Variants in C1QTNF3 observed in about 807,000 individuals in gnomAD.
C1QTNF3 encodes C1q and TNF related 3.
In C1QTNF3, 26 loss-of-function variants were observed where a neutral mutation model predicts 32.6. That is an observed-to-expected ratio of 0.80 (90% confidence interval 0.58 to 1.11). The LOEUF (loss-of-function observed/expected upper bound fraction) is 1.11, where lower values mean the gene tolerates loss of function less well. C1QTNF3 is among the 50% of genes least tolerant of loss of function. The pLI is 0.00. For synonymous variants in C1QTNF3, 155 were observed against 146.0 expected (o/e 1.06, Z -0.44); for missense variants, 362 against 398.2 (o/e 0.91, Z 0.77).
the C1QTNF3 span, among the ~76,000 whole-genome samples, chr5:34,051,186 A>G: frequency 6.6e-6 from 1 of 152,242 alleles, no homozygotes; most frequent in South Asian, 2.1e-4. Context: ...ACCCTAGGAT[A>G]GCAGAGCAGA....
At chr5:34,057,506 G>C in the C1QTNF3 span, among the ~76,000 whole-genome samples, 2 of 152,198 alleles carry the variant, frequency 1.3e-5, no homozygotes, top group African/African-American at 2.4e-5. Context: ...TGAGGATCAA[G>C]TGTCTGGCTA....
the C1QTNF3 span, among the ~76,000 whole-genome samples, chr5:34,208,679 G>A: frequency 6.6e-6 from 1 of 151,862 alleles, no homozygotes; most frequent in Non-Finnish European, 1.5e-5. Flanking sequence ...TATATACAGT[G>A]TAACATACAC....
At chr5:34,216,033 G>C in the C1QTNF3 span, among the ~76,000 whole-genome samples, 1 of 152,138 alleles carries the variant, frequency 6.6e-6, no homozygotes, top group Non-Finnish European at 1.5e-5. Flanking sequence ...ATTCCCTCTT[G>C]TTCCGTCTTT....
At chr5:34,045,376 TG>T (rs1179682353), upstream of C1QTNF3, among the ~76,000 whole-genome samples, 1 of 152,216 alleles carries the variant, frequency 6.6e-6, no homozygotes, top group Non-Finnish European at 1.5e-5. Flanking sequence ...GAATCTGTAC[TG>T]GGGCCTGGGC....
At chr5:34,058,682 T>C in the C1QTNF3 span, among the ~76,000 whole-genome samples, 1 of 152,126 alleles carries the variant, frequency 6.6e-6, no homozygotes, top group Non-Finnish European at 1.5e-5. Context: ...CCCCTTTCTC[T>C]AGGAGTGGGT....
the C1QTNF3 span, among the ~76,000 whole-genome samples, chr5:34,175,113 A>G: frequency 5.8e-4 from 86 of 147,064 alleles, no homozygotes; most frequent in Non-Finnish European, 6.7e-4. Flanking sequence ...GTGTAATCAC[A>G]GCTTACTGCA....
chr5:34,088,516 T>C, the C1QTNF3 span, among the ~76,000 whole-genome samples: 1 of 152,144 alleles, frequency 6.6e-6, no homozygotes, highest in African/African-American at 2.4e-5. Flanking sequence ...TGAAATTGTG[T>C]GAGTAAAATA....
At chr5:34,175,103 G>C in the C1QTNF3 span, among the ~76,000 whole-genome samples, 1 of 148,850 alleles carries the variant, frequency 6.7e-6, no homozygotes, top group East Asian at 2.0e-4. Flanking sequence ...AAGTGCAGTG[G>C]TGTAATCACA....
chr5:34,123,577 T>C, the C1QTNF3 span, among the ~76,000 whole-genome samples: 2 of 151,574 alleles, frequency 1.3e-5, no homozygotes, highest in Admixed American at 6.6e-5. Context: ...ATGTTGTCAA[T>C]GATTATGTTG....
At chr5:34,111,878 T>G in the C1QTNF3 span, among the ~76,000 whole-genome samples, 2 of 152,174 alleles carry the variant, frequency 1.3e-5, no homozygotes, top group South Asian at 2.1e-4. Flanking sequence ...CTGTCCTGCA[T>G]TTCACATTTA....
chr5:34,037,917 C>T (rs1754780290), intron 1 of C1QTNF3, among the ~76,000 whole-genome samples: 1 of 152,122 alleles, frequency 6.6e-6, no homozygotes, highest in Admixed American at 6.5e-5. Context: ...TTTTAAACCT[C>T]AGAAAATCCA....
rs1754299578 is a variant in C1QTNF3, at chr5:34,020,573, A to G, written c.*10T>C. On this transcript the variant is annotated 3_prime_UTR_variant, in exon 6 of 6. Transcript: ENST00000382065. Reference sequence around the variant, plus strand: ...GTCTTCCCCAAAGTGGAGCTATTCTAGTCATATATTTACTTAGTTTCAAAG... The same window carrying G: ...GTCTTCCCCAAAGTGGAGCTATTCTGGTCATATATTTACTTAGTTTCAAAG... 1 of 1,613,380 alleles carries G rather than the reference A, an allele frequency of 6.2e-7. No homozygotes were observed. The highest frequency in any genetic ancestry group is 1.3e-5 in the African/African-American group (1 of 74,930).
the C1QTNF3 span, among the ~76,000 whole-genome samples, chr5:34,118,607 T>C: frequency 4.0e-5 from 6 of 151,846 alleles, no homozygotes; most frequent in Non-Finnish European, 7.4e-5. Flanking sequence ...AACATAATAT[T>C]CCATTGCCTT....
At chr5:34,138,620 T>C in the C1QTNF3 span, among the ~76,000 whole-genome samples, 3 of 152,132 alleles carry the variant, frequency 2.0e-5, no homozygotes, top group African/African-American at 7.2e-5. Flanking sequence ...ACTTTTCCTG[T>C]CATGAATTTT....
At chr5:34,024,063 C>T in intron 4 of C1QTNF3, 55 bp from the exon 5 acceptor site, 1 of 1,278,460 alleles carries the variant, frequency 7.8e-7, no homozygotes, top group South Asian at 1.2e-5. Flanking sequence ...ACATTGAGGA[C>T]CTGGAGATAC....
At chr5:34,061,799 T>C in the C1QTNF3 span, among the ~76,000 whole-genome samples, 3 of 152,236 alleles carry the variant, frequency 2.0e-5, no homozygotes, top group South Asian at 2.1e-4. Flanking sequence ...GAGCCTGTGA[T>C]GGGAGGGACT....
intron 1 of C1QTNF3, among the ~76,000 whole-genome samples, chr5:34,040,906 G>T (rs1306850183): frequency 6.6e-6 from 1 of 151,664 alleles, no homozygotes; most frequent in Non-Finnish European, 1.5e-5. Context: ...TGACACTTTT[G>T]CCCAATTGCC....
the C1QTNF3 span, chr5:34,175,982 G>A: frequency 3.8e-6 from 3 of 780,184 alleles, no homozygotes; most frequent in African/African-American, 5.1e-5. Context: ...AAAGAGAAGA[G>A]TAAGAACTGG....
At chr5:34,213,795 A>G in the C1QTNF3 span, among the ~76,000 whole-genome samples, 2 of 2,634 alleles carry the variant, frequency 7.6e-4, no homozygotes, top group Non-Finnish European at 2.0e-3. Context: ...ACATATATAT[A>G]TATATATATA....
Sources: allele counts gnomAD v4.1 joint callset (sites outside exome capture counted in the v4.1 genomes callset), GRCh38; gene constraint gnomAD v4.1.1; transcripts MANE v1.5; gene names NCBI Gene and HGNC (gene_info 2026-07-23, HGNC 2026-07-21).